The following CLIC5 variants were observed in gnomAD, a reference collection of about 807,000 sequenced individuals.
CLIC5 encodes the protein CLIC family member 5, also known as chloride intracellular channel protein 5.
A neutral mutation model predicts 24.7 loss-of-function variants in CLIC5; 20 were observed. That is an observed-to-expected ratio of 0.81 (90% CI 0.57 to 1.18). The LOEUF is 1.18. Among genes scored for constraint, CLIC5 ranks in the 50% most tolerant of loss-of-function variants. The pLI, the probability that CLIC5 is intolerant of heterozygous loss-of-function variation, is 0.00. For missense variants in CLIC5, 341 were observed against 326.1 expected (o/e 1.05, Z -0.35); for synonymous variants, 159 against 135.6 (o/e 1.17, Z -1.20).
upstream of CLIC5, among the ~76,000 whole-genome samples, chr6:46,016,973 A>T (rs1767034149): frequency 6.6e-6 from 1 of 152,216 alleles, no homozygotes; most frequent in South Asian, 2.1e-4. Context: ...GGTGACTATC[A>T]TGACTACTCT....
At chr6:46,108,378 G>A in the CLIC5 span, among the ~76,000 whole-genome samples, 2 of 141,470 alleles carry the variant, frequency 1.4e-5, no homozygotes, top group East Asian at 4.7e-4. Flanking sequence ...TTGTGTGTGT[G>A]TGTGTGTGTG....
Position 46,072,351 on chromosome 6 carries a change from TCAAGATGACACTGATCAGTAGTGGC to T in CLIC5, c.540+7327_540+7351del, listed in dbSNP as rs1562037030. Among the ~76,000 whole-genome samples, 40 of 151,352 alleles carry T rather than the reference TCAAGATGACACTGATCAGTAGTGGC, an allele frequency of 2.6e-4. 2 individuals are homozygous for T. In the South Asian group the frequency reaches 8.7e-3, roughly 33 times the overall value. Reference sequence around the variant, plus strand: ...AGAGTGACCAGTTAAACAGCTGTGGTCAAGATGACACTGATCAGTAGTGGCCAAGATGAAGAGGAGAGAATATTTT... The same window carrying T: ...AGAGTGACCAGTTAAACAGCTGTGGTCAAGATGAAGAGGAGAGAATATTTT... On this transcript the variant is annotated intron_variant, in intron 1 of 5. Transcript: ENST00000185206.
At chr6:45,972,863 A>G (rs1187986232) in intron 1 of CLIC5, among the ~76,000 whole-genome samples, 1 of 152,220 alleles carries the variant, frequency 6.6e-6, no homozygotes, top group African/African-American at 2.4e-5. Context: ...TCCAGATTTC[A>G]CATAATTCTT....
At chr6:46,015,241 G>C (rs1292393052) in intron 1 of CLIC5, among the ~76,000 whole-genome samples, 1 of 152,098 alleles carries the variant, frequency 6.6e-6, no homozygotes, top group Non-Finnish European at 1.5e-5. Flanking sequence ...AGGCGGGGAC[G>C]GGGGTGGACA....
At chr6:45,985,869 C>T (rs1241135878) in intron 1 of CLIC5, among the ~76,000 whole-genome samples, 1 of 152,068 alleles carries the variant, frequency 6.6e-6, no homozygotes. Flanking sequence ...GTGTACCCAC[C>T]CAAATCTCAT....
downstream of CLIC5, among the ~76,000 whole-genome samples, chr6:45,894,754 A>G (rs1178537252): frequency 6.6e-6 from 1 of 152,234 alleles, no homozygotes; most frequent in Non-Finnish European, 1.5e-5. Flanking sequence ...GTGGGTCTTG[A>G]AAGGCAGAAA....
At chr6:46,064,774 T>C (rs1762396361) in intron 1 of CLIC5, among the ~76,000 whole-genome samples, 2 of 152,064 alleles carry the variant, frequency 1.3e-5, no homozygotes, top group South Asian at 4.1e-4. Flanking sequence ...AATAAATCCA[T>C]ATGTTGTACC....
chr6:46,082,810 C>T (rs897501120), upstream of CLIC5, among the ~76,000 whole-genome samples: 1 of 152,152 alleles, frequency 6.6e-6, no homozygotes, highest in Non-Finnish European at 1.5e-5. Context: ...CTTTCCCCCC[C>T]TTTTCCATAA....
chr6:46,096,902 G>T, the CLIC5 span, among the ~76,000 whole-genome samples: 3 of 152,196 alleles, frequency 2.0e-5, no homozygotes, highest in African/African-American at 7.2e-5. Context: ...AGGCAAAACA[G>T]TGGTTACTTG....
intron 1 of CLIC5, among the ~76,000 whole-genome samples, chr6:46,009,145 C>T (rs79168614): frequency 0.062 from 9,345 of 151,850 alleles, 463 homozygotes; most frequent in African/African-American, 0.14. Context: ...GGTTTACCTC[C>T]AGTGCTGCTG....
the CLIC5 span, chr6:46,102,791 T>C: frequency 6.6e-6 from 1 of 152,260 alleles, no homozygotes; most frequent in Non-Finnish European, 1.5e-5. Context: ...TTTTAAAATG[T>C]ATTTATATGT....
At chr6:46,091,473 T>G in the CLIC5 span, among the ~76,000 whole-genome samples, 1 of 152,184 alleles carries the variant, frequency 6.6e-6, no homozygotes, top group Admixed American at 6.5e-5. Flanking sequence ...TGGTGGCTCA[T>G]GCCTGTAATC....
intron 1 of CLIC5, among the ~76,000 whole-genome samples, chr6:46,024,085 C>T (rs1190462258): frequency 6.6e-6 from 1 of 152,136 alleles, no homozygotes; most frequent in Non-Finnish European, 1.5e-5. Flanking sequence ...AGGAAGCCAG[C>T]AGTTACATTT....
At chr6:45,920,692 AG>A in intron 4 of CLIC5, 1 of 976,978 alleles carries the variant, frequency 1.0e-6, no homozygotes, top group Non-Finnish European at 1.2e-6. Context: ...ACAGGCAGCT[AG>A]GACAAGAGGA....
intron 1 of CLIC5, among the ~76,000 whole-genome samples, chr6:46,005,649 C>T (rs1490090120): frequency 6.6e-6 from 1 of 152,094 alleles, no homozygotes; most frequent in Non-Finnish European, 1.5e-5. Context: ...AATTCCTATG[C>T]TAAAATTTCA....
chr6:46,127,658 C>A, the CLIC5 span, among the ~76,000 whole-genome samples: 1 of 152,066 alleles, frequency 6.6e-6, no homozygotes, highest in Non-Finnish European at 1.5e-5. Flanking sequence ...GGCCGGCTTC[C>A]CAGCACCCAT....
chr6:45,895,108 C>A (rs1226726640), downstream of CLIC5, among the ~76,000 whole-genome samples: 1 of 152,054 alleles, frequency 6.6e-6, no homozygotes, highest in African/African-American at 2.4e-5. Flanking sequence ...TATCTGTGGG[C>A]AGAAGGATTA....
intron 4 of CLIC5, among the ~76,000 whole-genome samples, chr6:45,921,177 T>C (rs2127327173): frequency 6.6e-6 from 1 of 152,184 alleles, no homozygotes; most frequent in African/African-American, 2.4e-5. Flanking sequence ...GGGGGGCTGA[T>C]TTTCAGGTCC....
At chr6:46,084,126 T>A (rs1291139968), upstream of CLIC5, among the ~76,000 whole-genome samples, 1 of 152,160 alleles carries the variant, frequency 6.6e-6, no homozygotes, top group Non-Finnish European at 1.5e-5. Flanking sequence ...TCCATTTGCT[T>A]GGTAGATCTT....
Sources: allele counts gnomAD v4.1 joint callset (sites outside exome capture counted in the v4.1 genomes callset), GRCh38; gene constraint gnomAD v4.1.1; transcripts MANE v1.5; gene names NCBI Gene and HGNC (gene_info 2026-07-23, HGNC 2026-07-21).